AQP9: variants seen among roughly 807,000 people sequenced by gnomAD.
AQP9 encodes the protein aquaporin-9.
A neutral mutation model predicts 23.8 loss-of-function variants in AQP9; 19 were observed. The observed-to-expected ratio is 0.80, with a 90% CI of 0.56 to 1.17. The LOEUF (loss-of-function observed/expected upper bound fraction) is 1.17, where lower values mean the gene tolerates loss of function less well. Among genes scored for constraint, AQP9 ranks in the 50% most tolerant of loss-of-function variants. The pLI is 0.00. For synonymous variants in AQP9, 153 were observed against 131.5 expected (o/e 1.16, Z -1.12); for missense variants, 413 against 362.0 (o/e 1.14, Z -1.14).
intron 4 of AQP9, among the ~76,000 whole-genome samples, chr15:58,177,127 C>A (rs1202354212): frequency 6.6e-6 from 1 of 152,222 alleles, no homozygotes; most frequent in African/African-American, 2.4e-5. Context: ...CAACACCCAA[C>A]AGAGCTCTTG....
chr15:58,173,153 C>T lies in AQP9; in HGVS notation c.324C>T (p.Ala108=), dbSNP rs749902318. The part of the protein sequence containing the change: ...KWFKLPFYVG[A]QFLGAFVGAA... ...TCAAATTGCCATTTTATGTGGGAGC[C>T]CAGTTCTTGGGAGCCTTTGTGGGGG... is the stretch of plus-strand genomic sequence containing the variant. The change falls in exon 3 of 6, where the codon GCC becomes GCT. Residue 108 remains alanine (A), a synonymous_variant. Coordinates refer to ENST00000219919, the MANE Select transcript of AQP9 (RefSeq NM_020980.5). 6.2e-7 allele frequency: 1 copy of T among 1,614,146 alleles called. No homozygotes were observed. Among genetic ancestry groups the T allele is most frequent in the South Asian group, 1.1e-5 (1 of 91,078 alleles).
intron 1 of AQP9, among the ~76,000 whole-genome samples, chr15:58,159,403 T>C (rs1212255721): frequency 1.3e-5 from 2 of 152,164 alleles, no homozygotes; most frequent in Non-Finnish European, 2.9e-5. Flanking sequence ...CAGATGTACA[T>C]ATTTTGGGGG....
At chr15:58,161,299 C>A (rs1898378656) in intron 1 of AQP9, among the ~76,000 whole-genome samples, 1 of 152,166 alleles carries the variant, frequency 6.6e-6, no homozygotes, top group African/African-American at 2.4e-5. Flanking sequence ...GGAGTTCCCA[C>A]CAATTAAAGT....
chr15:58,142,956 C>T (rs537173696), intron 1 of AQP9, among the ~76,000 whole-genome samples: 1 of 152,172 alleles, frequency 6.6e-6, no homozygotes, highest in Non-Finnish European at 1.5e-5. Context: ...CTGTCCAAGT[C>T]GTGCACCATC....
chr15:58,170,081 G>A lies in AQP9; in HGVS notation c.239-2987G>A, dbSNP rs867278365. Among the ~76,000 whole-genome samples, 39 of 152,258 alleles carry A rather than the reference G, an allele frequency of 2.6e-4. No homozygotes were observed. The Middle Eastern group carries it at 0.024, about 93-fold the overall frequency. On this transcript the variant is annotated intron_variant, in intron 2 of 5. Coordinates refer to ENST00000219919, the MANE Select transcript of AQP9 (RefSeq NM_020980.5). ...TGATTGTCCCAGCAACCTCGGCAAA[G>A]CCAAGAGTTGAGTGCAGGACTCTCT... is the stretch of plus-strand genomic sequence containing the variant.
In AQP9 at chr15:58,174,977, C is replaced by G. The variant is rs767673037; in HGVS notation, c.436C>G (p.His146Asp). 2.3e-5 allele frequency: 37 copies of G among 1,614,094 alleles called. No homozygotes were observed. In the Admixed American group the frequency reaches 2.3e-4, roughly 10 times the overall value. ...GATCGTGGGAGAAAATGCAACAGCA[C>G]ACATTTTTGCAACATACCCAGCTCC... ...LLIVGENATAHIFATYPAPYL... is the reference protein window; with the variant it reads ...LLIVGENATADIFATYPAPYL... Residue 146 changes from histidine (H) to aspartate (D), a missense_variant, in exon 4 of 6, where the codon CAC (histidine) becomes GAC (aspartate). His to Asp is a moderately conservative substitution (Grantham distance 81). Coordinates refer to ENST00000219919, the MANE Select transcript of AQP9 (RefSeq NM_020980.5).
chr15:58,157,177 T>C (rs1415905144), intron 1 of AQP9, among the ~76,000 whole-genome samples: 3 of 152,200 alleles, frequency 2.0e-5, no homozygotes, highest in Non-Finnish European at 4.4e-5. Flanking sequence ...TGATTAATAA[T>C]TTAAATGTGT....
chr15:58,147,361 A>G (rs1898065107), intron 1 of AQP9, among the ~76,000 whole-genome samples: 2 of 152,256 alleles, frequency 1.3e-5, no homozygotes, highest in South Asian at 4.1e-4. Flanking sequence ...TGTGAAAGTG[A>G]CCTAACAACC....
At chr15:58,139,834 C>T (rs1257843698) in intron 1 of AQP9, among the ~76,000 whole-genome samples, 1 of 152,198 alleles carries the variant, frequency 6.6e-6, no homozygotes, top group African/African-American at 2.4e-5. Flanking sequence ...ATTTCTTGCA[C>T]TCCTCATCTT....
At chr15:58,165,958 G>T (rs551359721) in intron 1 of AQP9, among the ~76,000 whole-genome samples, 2 of 152,202 alleles carry the variant, frequency 1.3e-5, no homozygotes, top group Non-Finnish European at 2.9e-5. Context: ...AGAATAAGGG[G>T]GTCCTGATTG....
intron 1 of AQP9, among the ~76,000 whole-genome samples, chr15:58,141,048 G>A (rs1272409601): frequency 6.6e-6 from 1 of 152,188 alleles, no homozygotes; most frequent in Admixed American, 6.5e-5. Context: ...TAAGTCATAA[G>A]CCAAAAAGCT....
chr15:58,167,780 T>C (rs1453030369), intron 2 of AQP9, among the ~76,000 whole-genome samples: 2 of 152,252 alleles, frequency 1.3e-5, no homozygotes, highest in African/African-American at 4.8e-5. Context: ...TGGAGCACAA[T>C]GGCACGATCT....
chr15:58,167,746 G>C (rs1333347809), intron 2 of AQP9, among the ~76,000 whole-genome samples: 1 of 151,854 alleles, frequency 6.6e-6, no homozygotes, highest in African/African-American at 2.4e-5. Flanking sequence ...TTTTTTTTAG[G>C]AGTCTTGCTT....
At chr15:58,148,549 G>A (rs1456052858) in intron 1 of AQP9, among the ~76,000 whole-genome samples, 1 of 152,186 alleles carries the variant, frequency 6.6e-6, no homozygotes, top group African/African-American at 2.4e-5. Flanking sequence ...CCTGTGGGTA[G>A]AGGGAGAACT....
intron 1 of AQP9, among the ~76,000 whole-genome samples, chr15:58,143,863 G>C (rs1469919271): frequency 6.6e-6 from 1 of 152,106 alleles, no homozygotes; most frequent in Non-Finnish European, 1.5e-5. Flanking sequence ...CCTAGAAGAG[G>C]ACCTGGTGGT....
intron 1 of AQP9, chr15:58,152,990 C>A (rs1034893920): frequency 1.3e-5 from 2 of 152,104 alleles, no homozygotes; most frequent in South Asian, 4.1e-4. Context: ...AATATTAATT[C>A]TAGTTACCAC....
In AQP9 at chr15:58,173,174, G is replaced by A. The variant is rs754934446; in HGVS notation, c.345G>A (p.Val115=). The part of the protein sequence containing the change: ...YVGAQFLGAF[V]GAATVFGIYY... ...GAGCCCAGTTCTTGGGAGCCTTTGT[G>A]GGGGCTGCAACCGTCTTTGGCATTT... is the stretch of plus-strand genomic sequence containing the variant. Residue 115 remains valine, a synonymous_variant, in exon 3 of 6, where the codon GTG becomes GTA. Transcript: ENST00000219919. The A allele has an allele frequency of 6.2e-7, 1 of 1,614,130 alleles. No homozygotes were observed.
chr15:58,165,229 T>C lies in AQP9; in HGVS notation c.112-1444T>C, dbSNP rs117629697. On this transcript the variant is annotated intron_variant, in intron 1 of 5. Transcript: ENST00000219919. ...CAGCATGGTGAAAGCTGGTGGTCATTTGCTGTCTCATTTTCCTACCAAACT... is the reference window on the plus strand; with the variant it reads ...CAGCATGGTGAAAGCTGGTGGTCATCTGCTGTCTCATTTTCCTACCAAACT... 5.4e-3 allele frequency among the ~76,000 whole-genome samples: 823 copies of C among 152,332 alleles called. 4 individuals are homozygous for C. Among genetic ancestry groups the C allele is most frequent in the Non-Finnish European group, 9.3e-3 (636 of 68,026 alleles).
rs570233207 is a variant in AQP9, at chr15:58,157,778, G to A, written c.112-8895G>A. ...ATCTAACGGAAGTTGTCTGTGCAAG[G>A]GGAGCTAGAAATCAAGTGAGCAGAA... On this transcript the variant is annotated intron_variant, in intron 1 of 5. Coordinates refer to ENST00000219919, the MANE Select transcript of AQP9 (RefSeq NM_020980.5). Among the ~76,000 whole-genome samples the A allele has an allele frequency of 5.3e-5, 8 of 152,206 alleles. No individual in the cohort carries two copies. The East Asian group carries it at 1.5e-3, about 29-fold the overall frequency.
Sources: gnomAD v4.1 joint callset for allele counts (sites outside exome capture counted in the v4.1 genomes callset) on GRCh38, gnomAD v4.1.1 for gene constraint, MANE v1.5 for transcripts, NCBI Gene and HGNC (gene_info 2026-07-23, HGNC 2026-07-21) for gene names.